Variants in ZMIZ1 observed in about 807,000 individuals in gnomAD.
The protein encoded by ZMIZ1 is zinc finger MIZ-type containing 1, also known as zinc finger MIZ domain-containing protein 1.
In ZMIZ1, 17 loss-of-function variants were observed where a neutral mutation model predicts 113.9. The observed-to-expected ratio is 0.15, with a 90% CI of 0.10 to 0.22. The LOEUF is 0.22. Among genes scored for constraint, ZMIZ1 ranks in the 10% least tolerant of loss-of-function variants. ZMIZ1 has a pLI of 1.00. For missense variants in ZMIZ1, 1,059 were observed against 1,477.8 expected (o/e 0.72, Z 4.65); for synonymous variants, 607 against 603.1 (o/e 1.01, Z -0.09).
chr10:79,144,949 G>A (rs1005400691), intron 3 of ZMIZ1, among the ~76,000 whole-genome samples: 2 of 151,226 alleles, frequency 1.3e-5, no homozygotes, highest in African/African-American at 2.4e-5. Flanking sequence ...CATCCACTTC[G>A]GCTTCTTGGT....
chr10:79,293,840 C>T (rs1383982069), intron 12 of ZMIZ1, 187 bp downstream of exon 12: 5 of 870,684 alleles, frequency 5.7e-6, no homozygotes, highest in East Asian at 5.3e-5. Flanking sequence ...AACTGAAAGA[C>T]CTCGAGCCAG....
chr10:79,261,294 T>A (rs1414825365), intron 7 of ZMIZ1, among the ~76,000 whole-genome samples: 1 of 152,200 alleles, frequency 6.6e-6, no homozygotes, highest in Non-Finnish European at 1.5e-5. Flanking sequence ...TGCCCCTCCC[T>A]ACCCGGTGTT....
Position 79,312,809 on chromosome 10 carries a change from A to C in ZMIZ1, c.*60A>C. On this transcript the variant is annotated 3_prime_UTR_variant, in exon 25 of 25. Transcript: ENST00000334512. The stretch of plus-strand genomic sequence containing the variant: ...GCATCCTACCCCACCTACCCAACAC[A>C]CTTTTCCACCTGGGAGCCTGTGCCC... The C allele has an allele frequency of 6.5e-7, 1 of 1,529,086 alleles. No homozygotes were observed. The highest frequency in any genetic ancestry group is 9.0e-7 in the Non-Finnish European group (1 of 1,105,820). 94.7% of individuals were successfully genotyped at this position (1,529,086 alleles called of 1,614,324 possible).
intron 1 of ZMIZ1, among the ~76,000 whole-genome samples, chr10:79,088,819 C>T (rs1181611693): frequency 6.6e-6 from 1 of 152,186 alleles, no homozygotes; most frequent in Non-Finnish European, 1.5e-5. Context: ...AGTCCTTGCT[C>T]CCCCAGGCAA....
At chr10:79,222,287 G>A (rs1390838029) in intron 7 of ZMIZ1, among the ~76,000 whole-genome samples, 4 of 152,158 alleles carry the variant, frequency 2.6e-5, no homozygotes, top group Non-Finnish European at 5.9e-5. Flanking sequence ...TTGGACCCGC[G>A]TCCTCACAGC....
Position 79,132,125 on chromosome 10 carries a change from C to G in ZMIZ1, c.-226-7557C>G, listed in dbSNP as rs1366931394. Among the ~76,000 whole-genome samples, 3 of 152,184 alleles carry G rather than the reference C, an allele frequency of 2.0e-5. No homozygotes were observed. In the East Asian group the frequency reaches 5.8e-4, roughly 29 times the overall value. ...AACCACTACCCTGGGCTTTGACTTTCAGATCACTGCCACGTGCACGAGCTT... is the reference window on the plus strand; with the variant it reads ...AACCACTACCCTGGGCTTTGACTTTGAGATCACTGCCACGTGCACGAGCTT... On this transcript the variant is annotated intron_variant, in intron 2 of 24. Transcript: ENST00000334512.
chr10:79,202,188 A>AG (rs148412215), intron 5 of ZMIZ1, among the ~76,000 whole-genome samples: 13 of 66,868 alleles, frequency 1.9e-4, no homozygotes, highest in Non-Finnish European at 3.0e-4. Context: ...ACCCTGTCTC[A>AG]GAAAAAAAAA....
chr10:79,175,648 G>A (rs561115895), intron 4 of ZMIZ1, among the ~76,000 whole-genome samples: 22 of 143,622 alleles, frequency 1.5e-4, no homozygotes, highest in Non-Finnish European at 2.1e-4. Context: ...TTACAGACCC[G>A]CATGTATGTG....
chr10:79,114,122 C>A (rs1053215310), intron 1 of ZMIZ1, among the ~76,000 whole-genome samples: 16 of 152,314 alleles, frequency 1.1e-4, no homozygotes, highest in South Asian at 4.1e-4. Context: ...CCATTTCTAT[C>A]CAGCGGCAGA....
chr10:79,251,143 T>A (rs567970204), intron 7 of ZMIZ1, among the ~76,000 whole-genome samples: 104 of 152,218 alleles, frequency 6.8e-4, no homozygotes, highest in Non-Finnish European at 8.2e-4. Flanking sequence ...CTCCCCACTG[T>A]TAGGAGCGAG....
intron 3 of ZMIZ1, among the ~76,000 whole-genome samples, chr10:79,146,991 C>T (rs1484097343): frequency 6.6e-6 from 1 of 151,784 alleles, no homozygotes; most frequent in Non-Finnish European, 1.5e-5. Context: ...TGTCCCTGGC[C>T]AAGGAAACCT....
chr10:79,258,365 A>T (rs1270693497), intron 7 of ZMIZ1, among the ~76,000 whole-genome samples: 1 of 152,170 alleles, frequency 6.6e-6, no homozygotes, highest in Non-Finnish European at 1.5e-5. Context: ...GCCTGGGTGG[A>T]TAGAGCCAAA....
At chr10:79,103,337 G>A (rs534657577) in intron 1 of ZMIZ1, among the ~76,000 whole-genome samples, 1 of 152,316 alleles carries the variant, frequency 6.6e-6, no homozygotes, top group South Asian at 2.1e-4. Flanking sequence ...ACAGCTGTAA[G>A]GAAGAGCAGG....
intron 20 of ZMIZ1, 42 bp from the exon 21 acceptor site, chr10:79,305,491 G>A: frequency 6.2e-7 from 1 of 1,607,508 alleles, no homozygotes; most frequent in Admixed American, 1.7e-5. Flanking sequence ...CTACCTCCTT[G>A]GGTCCTGGAG....
chr10:79,092,498 A>AG (rs1208346184), intron 1 of ZMIZ1, among the ~76,000 whole-genome samples: 1 of 152,244 alleles, frequency 6.6e-6, no homozygotes, highest in Non-Finnish European at 1.5e-5. Flanking sequence ...TTGTGCTAGG[A>AG]GACCCAGGCT....
chr10:79,127,909 CAG>C (rs1844586307), intron 2 of ZMIZ1, among the ~76,000 whole-genome samples: 1 of 152,216 alleles, frequency 6.6e-6, no homozygotes, highest in African/African-American at 2.4e-5. Flanking sequence ...CTAAAAATAA[CAG>C]GGCCCAGCTT....
At chr10:79,285,249 A>G (rs1017049251) in intron 8 of ZMIZ1, among the ~76,000 whole-genome samples, 7 of 152,240 alleles carry the variant, frequency 4.6e-5, no homozygotes, top group Admixed American at 2.0e-4. Flanking sequence ...GGGGCACTGA[A>G]TGAGTTCTTA....
intron 1 of ZMIZ1, among the ~76,000 whole-genome samples, chr10:79,071,930 A>G (rs925774723): frequency 6.8e-6 from 1 of 147,164 alleles, no homozygotes; most frequent in Non-Finnish European, 1.5e-5. Flanking sequence ...GTAAATCTCA[A>G]AAGTTTAGAC....
intron 7 of ZMIZ1, among the ~76,000 whole-genome samples, chr10:79,245,391 G>T (rs934882675): frequency 6.6e-6 from 1 of 152,220 alleles, no homozygotes; most frequent in Non-Finnish European, 1.5e-5. Flanking sequence ...CAGGGACCAC[G>T]TGTTTCTCAT....
Sources: gnomAD v4.1 joint callset for allele counts (sites outside exome capture counted in the v4.1 genomes callset) on GRCh38, gnomAD v4.1.1 for gene constraint, MANE v1.5 for transcripts, NCBI Gene and HGNC (gene_info 2026-07-23, HGNC 2026-07-21) for gene names.